LONP2: variants seen among roughly 807,000 people sequenced by gnomAD.
LONP2 encodes the protein lon peptidase 2, peroxisomal.
Under a neutral mutation model 85.6 loss-of-function variants are expected in LONP2, and 60 were observed. The observed-to-expected ratio is 0.70, with a 90% CI of 0.57 to 0.87. LONP2 has a LOEUF of 0.87. LONP2 is among the 40% of genes least tolerant of loss of function. LONP2 has a pLI of 0.00. For missense variants in LONP2, 860 were observed against 1,063.5 expected (o/e 0.81, Z 2.66); for synonymous variants, 395 against 389.7 (o/e 1.01, Z -0.16).
intron 12 of LONP2, among the ~76,000 whole-genome samples, chr16:48,342,664 A>C (rs1959849693): frequency 6.6e-6 from 1 of 152,236 alleles, no homozygotes; most frequent in African/African-American, 2.4e-5. Flanking sequence ...AGGGATGTAG[A>C]ATCTGCTTTT....
intron 7 of LONP2, among the ~76,000 whole-genome samples, chr16:48,275,605 C>T (rs750845938): frequency 3.3e-5 from 5 of 152,144 alleles, no homozygotes; most frequent in East Asian, 3.9e-4. Context: ...TTGGGATTTA[C>T]GTAGCAGGAA....
At position 48,299,685 on chromosome 16, in the gene LONP2, G is replaced by C; in HGVS notation, c.1558G>C (p.Glu520Gln). The C allele has an allele frequency of 6.2e-7, 1 of 1,613,642 alleles. No individual in the cohort carries two copies. Among genetic ancestry groups the C allele is most frequent in the South Asian group, 1.1e-5 (1 of 91,002 alleles). Reference sequence around the variant, plus strand: ...AGGTTATACACAGGAGGAGAAGATAGAGATTGCCCATAGGCACTTGATCCC... The same window carrying C: ...AGGTTATACACAGGAGGAGAAGATACAGATTGCCCATAGGCACTTGATCCC... ...VPGYTQEEKI[E>Q]IAHRHLIPKQ... is the part of the protein sequence containing the mutation. The change falls in exon 10 of 15, where the codon GAG (glutamate) becomes CAG (glutamine). Residue 520 changes from glutamate (E) to glutamine (Q), a missense_variant. Coordinates refer to ENST00000285737, the MANE Select transcript of LONP2 (RefSeq NM_031490.5).
intron 12 of LONP2, among the ~76,000 whole-genome samples, chr16:48,341,469 C>T (rs952448639): frequency 2.0e-5 from 3 of 152,044 alleles, no homozygotes; most frequent in African/African-American, 7.3e-5. Context: ...TAAACAACCA[C>T]CTCCCACAAG....
intron 7 of LONP2, among the ~76,000 whole-genome samples, chr16:48,275,751 G>A (rs1384368587): frequency 6.6e-6 from 1 of 152,162 alleles, no homozygotes; most frequent in Non-Finnish European, 1.5e-5. Context: ...GAGCTGGATT[G>A]TGAAAAGCCT....
chr16:48,276,748 A>G (rs960312724), intron 7 of LONP2, among the ~76,000 whole-genome samples: 2 of 152,222 alleles, frequency 1.3e-5, no homozygotes, highest in African/African-American at 4.8e-5. Flanking sequence ...TGGAATTCTG[A>G]TATAAATACT....
intron 12 of LONP2, among the ~76,000 whole-genome samples, chr16:48,336,826 T>C (rs1381102981): frequency 1.3e-5 from 2 of 152,320 alleles, no homozygotes; most frequent in South Asian, 4.1e-4. Context: ...GGGGATATGA[T>C]GGCTTAGCTT....
At position 48,352,041 on chromosome 16, in the gene LONP2, A is replaced by G. The variant is rs770541507; in HGVS notation, c.*239A>G. ...AGTGGGATCCTTACTGTCCCTGGAA[A>G]GATATAGCATAGTGGTTCTCAGCAC... On this transcript the variant is annotated 3_prime_UTR_variant, in exon 15 of 15. Transcript: ENST00000285737. 13 of 534,782 alleles carry G rather than the reference A, an allele frequency of 2.4e-5. No individual in the cohort carries two copies. Among genetic ancestry groups the G allele is most frequent in the Non-Finnish European group, 4.0e-5 (12 of 300,232 alleles). 33.1% of individuals were successfully genotyped at this position (534,782 alleles called of 1,614,324 possible).
chr16:48,286,040 A>G (rs912655929), intron 8 of LONP2, among the ~76,000 whole-genome samples: 13 of 152,022 alleles, frequency 8.6e-5, no homozygotes, highest in Admixed American at 8.5e-4. Context: ...ATCATACGGT[A>G]CTTATCTTTT....
At chr16:48,348,711 C>T (rs1315293462) in intron 14 of LONP2, among the ~76,000 whole-genome samples, 2 of 152,036 alleles carry the variant, frequency 1.3e-5, no homozygotes, top group Non-Finnish European at 2.9e-5. Context: ...CCAGGCTTGT[C>T]TCAAACTCCA....
In LONP2 at chr16:48,354,196, C is replaced by CTTTTTTTTTTTT. The variant is rs1159788312; in HGVS notation, c.*2412_*2423dup. 1.9e-4 allele frequency: 9 copies of CTTTTTTTTTTTT among 46,200 alleles called. 2 individuals are homozygous for CTTTTTTTTTTTT. The highest frequency in any genetic ancestry group is 5.7e-4 in the African/African-American group (6 of 10,576). 2.9% of individuals were successfully genotyped at this position (46,200 alleles called of 1,614,324 possible). On this transcript the variant is annotated 3_prime_UTR_variant, in exon 15 of 15. Coordinates refer to ENST00000285737, the MANE Select transcript of LONP2 (RefSeq NM_031490.5). ...GATCTAAGCATGTCCACTCTACACG[C>CTTTTTTTTTTTT]TTTTTTTTTTTTTTTTTTTTTTTTT...
intron 10 of LONP2, 52 bp from the exon 11 acceptor site, chr16:48,303,120 A>G: frequency 6.3e-7 from 1 of 1,588,380 alleles, no homozygotes; most frequent in South Asian, 1.1e-5. Context: ...TTACCTCTCT[A>G]TTTTTTTAAG....
intron 11 of LONP2, among the ~76,000 whole-genome samples, chr16:48,320,052 C>G (rs1050693484): frequency 6.7e-6 from 1 of 149,600 alleles, no homozygotes; most frequent in Non-Finnish European, 1.5e-5. Flanking sequence ...CTCAACTACT[C>G]GGGAGGCTGA....
downstream of LONP2, chr16:48,361,560 GA>G (rs1274352764): frequency 1.2e-6 from 2 of 1,607,510 alleles, no homozygotes; most frequent in Non-Finnish European, 1.7e-6. Context: ...ACACTGGCCA[GA>G]AAATGTTTGA....
intron 11 of LONP2, among the ~76,000 whole-genome samples, chr16:48,310,023 T>C (rs1344574177): frequency 6.6e-6 from 1 of 152,138 alleles, no homozygotes; most frequent in East Asian, 1.9e-4. Flanking sequence ...TATATCTTCT[T>C]GTTGAATTGA....
At chr16:48,293,992 A>C (rs558891142) in intron 8 of LONP2, among the ~76,000 whole-genome samples, 21 of 152,364 alleles carry the variant, frequency 1.4e-4, no homozygotes, top group Non-Finnish European at 2.6e-4. Flanking sequence ...GCTGGAGTGC[A>C]GTGGCGTGAT....
intron 12 of LONP2, among the ~76,000 whole-genome samples, chr16:48,339,903 G>A (rs1466985975): frequency 2.6e-5 from 4 of 152,182 alleles, no homozygotes; most frequent in African/African-American, 9.6e-5. Flanking sequence ...AGAAGGATAA[G>A]AAATGATGGT....
At position 48,256,746 on chromosome 16, in the gene LONP2, A is replaced by T. The variant is rs1225997308; in HGVS notation, c.600+5A>T. 2 of 1,612,550 alleles carry T rather than the reference A, an allele frequency of 1.2e-6. No homozygotes were observed. The highest frequency in any genetic ancestry group is 1.7e-6 in the Non-Finnish European group (2 of 1,179,518). ...AGCAACAAAGAGAAACTCCAGGTAC[A>T]GTGTTCCCTTTTGAACGCCAGGTTG... On this transcript the variant is annotated splice_donor_5th_base_variant and intron_variant, in intron 3 of 14. Transcript: ENST00000285737.
chr16:48,244,577 G>A lies in LONP2; in HGVS notation c.189G>A (p.Thr63=), dbSNP rs183194774. The change falls in exon 1 of 15, where the codon ACG becomes ACA. Residue 63 remains threonine (T), a synonymous_variant. Coordinates refer to ENST00000285737, the MANE Select transcript of LONP2 (RefSeq NM_031490.5). ...CCATCCTGGGCGTCATCCCCAACAC[G>A]CCTGACCCCGCCAGCGACGCGCAGG... ...QSTILGVIPN[T]PDPASDAQDL... is the part of the protein sequence containing the mutation. The A allele has an allele frequency of 2.3e-4, 352 of 1,502,906 alleles. No individual in the cohort carries two copies. Among genetic ancestry groups the A allele is most frequent in the Middle Eastern group, 5.9e-4 (3 of 5,100 alleles). The allele number at this position is 1,502,906 out of a possible 1,614,324, so 93.1% of individuals were successfully genotyped here.
intron 11 of LONP2, among the ~76,000 whole-genome samples, chr16:48,316,563 G>A (rs1420519975): frequency 6.6e-6 from 1 of 152,032 alleles, no homozygotes; most frequent in East Asian, 1.9e-4. Flanking sequence ...CTGACCTCAA[G>A]TGATCCACCC....
Sources: gnomAD v4.1 joint callset for allele counts (sites outside exome capture counted in the v4.1 genomes callset) on GRCh38, gnomAD v4.1.1 for gene constraint, MANE v1.5 for transcripts, NCBI Gene and HGNC (gene_info 2026-07-23, HGNC 2026-07-21) for gene names.